Variants in CASR observed in about 807,000 individuals in gnomAD.
The protein encoded by CASR is extracellular calcium-sensing receptor.
In CASR, 23 loss-of-function variants were observed where a neutral mutation model predicts 69.1. That is an observed-to-expected ratio of 0.33 (90% CI 0.24 to 0.47). The LOEUF (loss-of-function observed/expected upper bound fraction) is 0.47, where lower values mean the gene tolerates loss of function less well. Ranked by LOEUF, CASR falls within the 20% of genes least tolerant of loss-of-function variation. CASR has a pLI of 1.00. For synonymous variants in CASR, 541 were observed against 544.7 expected, an observed-to-expected ratio of 0.99 and a Z score of 0.10; for missense variants, 924 against 1,356.1, an observed-to-expected ratio of 0.68 and a Z score of 5.00.
chr3:122,245,888 GTAA>G (rs1237392837), intron 1 of CASR, among the ~76,000 whole-genome samples: 4 of 152,166 alleles, frequency 2.6e-5, no homozygotes, highest in African/African-American at 9.7e-5. Flanking sequence ...GTAATTGAAA[GTAA>G]GTTTAGTCCT....
intron 3 of CASR, among the ~76,000 whole-genome samples, chr3:122,259,551 C>G (rs1226665363): frequency 6.8e-6 from 1 of 147,806 alleles, no homozygotes; most frequent in Non-Finnish European, 1.5e-5. Flanking sequence ...TCAAGTTGGC[C>G]TAATTTTTTT....
intron 1 of CASR, among the ~76,000 whole-genome samples, chr3:122,240,451 A>G (rs1021317950): frequency 6.6e-6 from 1 of 152,254 alleles, no homozygotes; most frequent in Non-Finnish European, 1.5e-5. Context: ...AGGTCGTTAT[A>G]TAATGATAAA....
intron 4 of CASR, among the ~76,000 whole-genome samples, chr3:122,272,341 T>C (rs1465419949): frequency 2.6e-5 from 4 of 152,218 alleles, no homozygotes. Context: ...CCTCTTTACT[T>C]ATCTTCTGTA....
intron 3 of CASR, among the ~76,000 whole-genome samples, chr3:122,258,273 C>A (rs1208759190): frequency 1.3e-5 from 2 of 151,824 alleles, no homozygotes; most frequent in Non-Finnish European, 2.9e-5. Context: ...ATAAACTATA[C>A]CTTAAATTTA....
At position 122,227,551 on chromosome 3, in the gene CASR, G is replaced by A. The variant is rs529676607; in HGVS notation, c.-242-26397G>A. Among the ~76,000 whole-genome samples the A allele has an allele frequency of 8.2e-4, 125 of 152,204 alleles. No individual in the cohort carries two copies. In the East Asian group the frequency reaches 8.9e-3, roughly 11 times the overall value. On this transcript the variant is annotated intron_variant, in intron 1 of 6. Transcript: ENST00000639785. ...GTGTGCAGCCCTGGTTCCCACCCACGCCTCTCCCTCCACACCTCCCTGCGA... is the reference window on the plus strand; with the variant it reads ...GTGTGCAGCCCTGGTTCCCACCCACACCTCTCCCTCCACACCTCCCTGCGA...
chr3:122,277,917 C>A (rs542087760), intron 5 of CASR, among the ~76,000 whole-genome samples: 1 of 152,270 alleles, frequency 6.6e-6, no homozygotes. Flanking sequence ...CACTTATGTT[C>A]TTGGAATAGT....
intron 3 of CASR, among the ~76,000 whole-genome samples, chr3:122,259,185 T>A (rs1426031761): frequency 6.6e-6 from 1 of 152,182 alleles, no homozygotes; most frequent in Non-Finnish European, 1.5e-5. Flanking sequence ...TATAAATACG[T>A]TCCTTAAGAG....
At chr3:122,246,055 G>T (rs2074424963) in intron 1 of CASR, among the ~76,000 whole-genome samples, 2 of 152,148 alleles carry the variant, frequency 1.3e-5, no homozygotes, top group Non-Finnish European at 2.9e-5. Context: ...TCCTGTTCAT[G>T]ATAACATTGG....
intron 5 of CASR, among the ~76,000 whole-genome samples, chr3:122,276,322 C>T (rs1188934176): frequency 1.3e-5 from 2 of 152,168 alleles, no homozygotes; most frequent in African/African-American, 4.8e-5. Context: ...GTTTCCTTGG[C>T]TAAAACTTTC....
At position 122,283,810 on chromosome 3, in the gene CASR, T is replaced by G; in HGVS notation, c.1856T>G (p.Phe619Cys). ...TEPFGIALTL[F>C]AVLGIFLTAF... ...CCCTTTGGGATCGCACTCACCCTCT[T>G]TGCCGTGCTGGGCATTTTCCTGACA... Residue 619 changes from phenylalanine to cysteine, a missense_variant, in exon 7 of 7, where the codon TTT becomes TGT. Physicochemically the swap from Phe to Cys is radical, Grantham distance 205. Transcript: ENST00000639785. 1 of 1,614,158 alleles carries G rather than the reference T, an allele frequency of 6.2e-7. No individual in the cohort carries two copies. The highest frequency in any genetic ancestry group is 8.5e-7 in the Non-Finnish European group (1 of 1,180,020).
chr3:122,204,452 C>A (rs147992463), intron 1 of CASR, among the ~76,000 whole-genome samples: 2 of 152,090 alleles, frequency 1.3e-5, no homozygotes, highest in African/African-American at 4.8e-5. Flanking sequence ...TGCGGACAGG[C>A]CCCATATTTT....
rs557237871 is a variant in CASR, at chr3:122,245,647, A to G, written c.-242-8301A>G. 3.3e-5 allele frequency among the ~76,000 whole-genome samples: 5 copies of G among 152,272 alleles called. No homozygotes were observed. In the South Asian group the frequency reaches 1.0e-3, roughly 32 times the overall value. On this transcript the variant is annotated intron_variant, in intron 1 of 6. Coordinates refer to ENST00000639785, the MANE Select transcript of CASR (RefSeq NM_000388.4). ...CTTAAAGTATAATAATAAAAAAAAA[A>G]GAGGCACAAGAACAGGATGTAATAC...
At chr3:122,192,347 G>A (rs1183268439) in intron 1 of CASR, among the ~76,000 whole-genome samples, 1 of 152,140 alleles carries the variant, frequency 6.6e-6, no homozygotes, top group Non-Finnish European at 1.5e-5. Flanking sequence ...GGGCTGTTAT[G>A]TGGCTTAAAT....
chr3:122,240,184 G>C (rs1294804576), intron 1 of CASR, among the ~76,000 whole-genome samples: 1 of 152,178 alleles, frequency 6.6e-6, no homozygotes, highest in Non-Finnish European at 1.5e-5. Context: ...CAATATGTCT[G>C]GCAGCAGACT....
chr3:122,222,747 A>G (rs184116399), intron 1 of CASR, among the ~76,000 whole-genome samples: 2 of 152,220 alleles, frequency 1.3e-5, no homozygotes, highest in African/African-American at 2.4e-5. Flanking sequence ...CACTACACCC[A>G]AAAACAACAG....
intron 3 of CASR, 79 bp downstream of exon 3, chr3:122,257,466 T>C: frequency 9.7e-7 from 1 of 1,029,498 alleles, no homozygotes; most frequent in Non-Finnish European, 1.5e-6. Flanking sequence ...CCAATAGCCA[T>C]ACGGTTTACC....
At chr3:122,225,017 C>G (rs2074208945) in intron 1 of CASR, among the ~76,000 whole-genome samples, 1 of 152,084 alleles carries the variant, frequency 6.6e-6, no homozygotes, top group Non-Finnish European at 1.5e-5. Flanking sequence ...CTCGCATAGG[C>G]AGAAGATTGA....
At position 122,282,106 on chromosome 3, in the gene CASR, C is replaced by G; in HGVS notation, c.1609-7C>G. ...AGCCACTCACCTTTGTGCTGTCTGT[C>G]CTCCAGGTGCCCTTCTCCAACTGCA... On this transcript the variant is annotated splice_polypyrimidine_tract_variant and splice_region_variant and intron_variant, in intron 5 of 6. Transcript: ENST00000639785. 2 of 1,614,238 alleles carry G rather than the reference C, an allele frequency of 1.2e-6. No individual in the cohort carries two copies. Among genetic ancestry groups the G allele is most frequent in the Non-Finnish European group, 1.7e-6 (2 of 1,180,044 alleles).
chr3:122,268,022 G>C (rs947386019), intron 4 of CASR, among the ~76,000 whole-genome samples: 1 of 152,214 alleles, frequency 6.6e-6, no homozygotes, highest in Non-Finnish European at 1.5e-5. Context: ...TCCTGCATGT[G>C]AGTAGGTAGT....
Sources: gnomAD v4.1 joint callset for allele counts (sites outside exome capture counted in the v4.1 genomes callset) on GRCh38, gnomAD v4.1.1 for gene constraint, MANE v1.5 for transcripts, NCBI Gene and HGNC (gene_info 2026-07-23, HGNC 2026-07-21) for gene names.